Variants in ACAD10 observed in about 807,000 individuals in gnomAD.
ACAD10 encodes the protein ACAD-10.
Under a neutral mutation model 116.8 loss-of-function variants are expected in ACAD10, and 112 were observed. The ratio of observed to expected loss-of-function variants is 0.96; its 90% CI spans 0.82 to 1.12. The LOEUF (loss-of-function observed/expected upper bound fraction) is 1.12. Ranked by LOEUF, ACAD10 falls within the 50% of genes most tolerant of loss-of-function variation. ACAD10 has a pLI of 0.00. For synonymous variants in ACAD10, 486 were observed against 510.6 expected (o/e 0.95, Z 0.65); for missense variants, 1,259 against 1,350.2 (o/e 0.93, Z 1.06).
At chr12:111,697,035 G>A (rs1888207072) in intron 2 of ACAD10, among the ~76,000 whole-genome samples, 1 of 151,024 alleles carries the variant, frequency 6.6e-6, no homozygotes, top group Non-Finnish European at 1.5e-5. Flanking sequence ...GAGCCTAGAT[G>A]GCACCACTGC....
intron 9 of ACAD10, 86 bp downstream of exon 9, chr12:111,728,229 G>A (rs1889281519): frequency 1.5e-6 from 2 of 1,368,504 alleles, no homozygotes; most frequent in East Asian, 4.7e-5. Flanking sequence ...GGGTCGTTTT[G>A]AGTATTAGCA....
intron 8 of ACAD10, 143 bp from the exon 9 acceptor site, chr12:111,727,819 G>A: frequency 1.3e-6 from 1 of 773,030 alleles, no homozygotes; most frequent in Non-Finnish European, 2.1e-6. Flanking sequence ...AAAGGAAAAA[G>A]GAAGTATCCA....
At chr12:111,736,019 A>T (rs1889549694) in intron 11 of ACAD10, among the ~76,000 whole-genome samples, 1 of 151,066 alleles carries the variant, frequency 6.6e-6, no homozygotes. Flanking sequence ...AGCTGGGATT[A>T]CAGGCGTGTG....
Position 111,748,267 on chromosome 12 carries a change from G to A in ACAD10, c.2486-50G>A, listed in dbSNP as rs780585138. On this transcript the variant is annotated intron_variant, in intron 16 of 20. Coordinates refer to ENST00000313698, the MANE Select transcript of ACAD10 (RefSeq NM_025247.6). ...GCCAGGACCACGTGTGTAGAGATTT[G>A]ATGGCCCTGGTGTCAGATGATGGGG... is the stretch of plus-strand genomic sequence containing the variant. 8.1e-6 allele frequency: 13 copies of A among 1,606,576 alleles called. No homozygotes were observed. The Admixed American group carries it at 1.2e-4, about 14-fold the overall frequency.
intron 18 of ACAD10, 53 bp from the exon 19 acceptor site, chr12:111,753,719 G>T: frequency 6.2e-7 from 1 of 1,613,110 alleles, no homozygotes; most frequent in Non-Finnish European, 8.5e-7. Flanking sequence ...CCCGCCTCTC[G>T]TGGCCACCCC....
intron 8 of ACAD10, among the ~76,000 whole-genome samples, chr12:111,723,861 C>G (rs1289745221): frequency 1.3e-5 from 2 of 151,756 alleles, no homozygotes; most frequent in African/African-American, 4.8e-5. Context: ...GGTCTCCTCA[C>G]TTCTCAGACA....
At chr12:111,744,239 T>C (rs1441205995) in intron 12 of ACAD10, among the ~76,000 whole-genome samples, 2 of 152,170 alleles carry the variant, frequency 1.3e-5, no homozygotes, top group Non-Finnish European at 2.9e-5. Context: ...TTATCAATTT[T>C]GTAGCAAGGG....
intron 8 of ACAD10, among the ~76,000 whole-genome samples, chr12:111,725,397 C>T (rs577807199): frequency 1.3e-5 from 2 of 152,116 alleles, no homozygotes; most frequent in Non-Finnish European, 2.9e-5. Context: ...GTAGTCCTAC[C>T]TACTTACCCG....
chr12:111,702,631 T>G (rs1888381515), intron 3 of ACAD10, among the ~76,000 whole-genome samples: 1 of 152,102 alleles, frequency 6.6e-6, no homozygotes, highest in African/African-American at 2.4e-5. Context: ...TTTGGGAGGC[T>G]GAGGCAGGAG....
chr12:111,727,919 A>G (rs201198204), intron 8 of ACAD10, 43 bp from the exon 9 acceptor site: 350 of 1,560,306 alleles, frequency 2.2e-4, no homozygotes, highest in Non-Finnish European at 3.0e-4. Flanking sequence ...AGCCTGCCAC[A>G]TTATGACTCT....
At chr12:111,726,300 A>G (rs1458590696) in intron 8 of ACAD10, among the ~76,000 whole-genome samples, 2 of 152,118 alleles carry the variant, frequency 1.3e-5, no homozygotes, top group African/African-American at 4.8e-5. Flanking sequence ...TTTGCTAGTA[A>G]TGACCAAAAG....
chr12:111,748,666 C>A, intron 17 of ACAD10, 191 bp downstream of exon 17: 1 of 688,662 alleles, frequency 1.5e-6, no homozygotes, highest in Non-Finnish European at 2.4e-6. Flanking sequence ...TTCAGACAGG[C>A]ATTTATGGAT....
intron 12 of ACAD10, among the ~76,000 whole-genome samples, chr12:111,737,638 A>AG (rs1889608389): frequency 6.6e-6 from 1 of 152,198 alleles, no homozygotes; most frequent in Non-Finnish European, 1.5e-5. Flanking sequence ...CCTCAAAGAT[A>AG]AATGTTACTG....
intron 5 of ACAD10, among the ~76,000 whole-genome samples, chr12:111,711,027 G>A (rs373148325): frequency 1.3e-5 from 2 of 152,294 alleles, no homozygotes; most frequent in East Asian, 3.9e-4. Context: ...AATATCCTGG[G>A]TTCGAAGGCC....
chr12:111,721,545 G>T, intron 7 of ACAD10, 126 bp from the exon 8 acceptor site: 2 of 815,274 alleles, frequency 2.5e-6, no homozygotes, highest in East Asian at 5.7e-5. Context: ...TCCAGCCTGG[G>T]TAACAGAGCG....
At chr12:111,699,392 T>G (rs1888284741) in intron 2 of ACAD10, among the ~76,000 whole-genome samples, 1 of 152,168 alleles carries the variant, frequency 6.6e-6, no homozygotes. Context: ...ACCTCGACCC[T>G]TTCCCAGTTG....
At chr12:111,727,360 T>C (rs1342969706) in intron 8 of ACAD10, among the ~76,000 whole-genome samples, 3 of 151,454 alleles carry the variant, frequency 2.0e-5, no homozygotes, top group Non-Finnish European at 4.4e-5. Flanking sequence ...CTGTCTCTAC[T>C]CAAAATACAA....
At chr12:111,717,470 G>A in intron 7 of ACAD10, among the ~76,000 whole-genome samples, 1 of 151,754 alleles carries the variant, frequency 6.6e-6, no homozygotes, top group Non-Finnish European at 1.5e-5. Flanking sequence ...TGATTATGCT[G>A]TTATTGCAGC....
rs1387842994 is a variant in ACAD10, at chr12:111,694,124, GTTTTC to G, written c.187+1230_187+1234del. ...CCATCCTAAATCAACCCAGGCACAG[GTTTTC>G]TATGCCTGCGTGTCTAGGCTTTCCA... On this transcript the variant is annotated intron_variant, in intron 2 of 20. Coordinates refer to ENST00000313698, the MANE Select transcript of ACAD10 (RefSeq NM_025247.6). Among the ~76,000 whole-genome samples, 8 of 152,266 alleles carry G rather than the reference GTTTTC, an allele frequency of 5.3e-5. No individual in the cohort carries two copies. In the East Asian group the frequency reaches 1.4e-3, roughly 26 times the overall value.
Sources: gnomAD v4.1 joint callset for allele counts (sites outside exome capture counted in the v4.1 genomes callset) on GRCh38, gnomAD v4.1.1 for gene constraint, MANE v1.5 for transcripts, NCBI Gene and HGNC (gene_info 2026-07-23, HGNC 2026-07-21) for gene names.